The following FOCAD variants were observed in gnomAD, a reference collection of about 807,000 sequenced individuals.
FOCAD encodes focadhesin.
In FOCAD, 198 loss-of-function variants were observed where a neutral mutation model predicts 225.6. The observed-to-expected ratio is 0.88, with a 90% confidence interval of 0.78 to 0.99. The LOEUF (loss-of-function observed/expected upper bound fraction) is 0.99. FOCAD is among the 50% of genes least tolerant of loss of function. The pLI is 0.00. For synonymous variants in FOCAD, 897 were observed against 755.0 expected (o/e 1.19, Z -3.08); for missense variants, 2,713 against 2,123.6 (o/e 1.28, Z -5.46).
At chr9:20,777,566 A>G (rs1180274729) in intron 8 of FOCAD, among the ~76,000 whole-genome samples, 1 of 151,848 alleles carries the variant, frequency 6.6e-6, no homozygotes, top group East Asian at 1.9e-4. Flanking sequence ...TTCTATGGTC[A>G]TTGCTCTGCT....
chr9:20,927,300 T>A (rs1364505918), intron 26 of FOCAD, among the ~76,000 whole-genome samples: 1 of 152,182 alleles, frequency 6.6e-6, no homozygotes, highest in Admixed American at 6.5e-5. Context: ...AATGAAGGAA[T>A]TGAAAAATAT....
At chr9:20,831,705 G>A (rs1825508833) in intron 15 of FOCAD, among the ~76,000 whole-genome samples, 1 of 152,014 alleles carries the variant, frequency 6.6e-6, no homozygotes, top group Non-Finnish European at 1.5e-5. Flanking sequence ...CTGTGATATT[G>A]AGATATAATT....
chr9:20,767,387 G>A lies in FOCAD; in HGVS notation c.699+2314G>A, dbSNP rs1420523882. 7.5e-5 allele frequency among the ~76,000 whole-genome samples: 10 copies of A among 132,880 alleles called. 2 individuals carry two copies. The highest frequency in any genetic ancestry group is 1.7e-4 in the Non-Finnish European group (10 of 58,946). The allele number at this position is 132,880 out of a possible 152,430, so 87.2% of individuals were successfully genotyped here. ...ATGGTATTTCTAGTTCTAGATCCCT[G>A]AGGAATTGCCACACTGACTTCCACA... On this transcript the variant is annotated intron_variant, in intron 7 of 43. Transcript: ENST00000338382.
chr9:20,681,571 T>C (rs552557926), upstream of FOCAD, among the ~76,000 whole-genome samples: 97 of 152,348 alleles, frequency 6.4e-4, no homozygotes, highest in African/African-American at 2.3e-3. Flanking sequence ...ACTTCTGAGA[T>C]CCTTTCTAGT....
At chr9:20,661,830 C>T (rs536443164) in intron 2 of FOCAD, among the ~76,000 whole-genome samples, 1 of 152,026 alleles carries the variant, frequency 6.6e-6, no homozygotes, top group Non-Finnish European at 1.5e-5. Context: ...TAGGCAGGTA[C>T]AAAATGATGT....
intron 5 of FOCAD, among the ~76,000 whole-genome samples, chr9:20,752,916 A>T (rs755788475): frequency 0.017 from 2,558 of 149,440 alleles, 45 homozygotes; most frequent in Non-Finnish European, 0.026. Flanking sequence ...ATTCTCTTTG[A>T]AGCAATTGGG....
At chr9:20,756,410 GAA>G (rs199592087) in intron 5 of FOCAD, among the ~76,000 whole-genome samples, 1 of 150,616 alleles carries the variant, frequency 6.6e-6, no homozygotes, top group Non-Finnish European at 1.5e-5. Flanking sequence ...TTTTAAAAGA[GAA>G]AAAAAAATAG....
rs1840236748 is a variant in FOCAD at position 20,976,413 on chromosome 9, G to GT, written c.4133-5dup. ...GTTTTACTATTATTTTTCACTGTCTGTTATAGGTCCTGAATCTGTGCCTCC... is the reference window on the plus strand; with the variant it reads ...GTTTTACTATTATTTTTCACTGTCTGTTTATAGGTCCTGAATCTGTGCCTCC... On this transcript the variant is annotated splice_polypyrimidine_tract_variant and splice_region_variant and intron_variant, in intron 35 of 43. Coordinates refer to ENST00000338382, the MANE Select transcript of FOCAD (RefSeq NM_001375567.1). 6.2e-7 allele frequency: 1 copy of GT among 1,612,298 alleles called. No individual in the cohort carries two copies. Among genetic ancestry groups the GT allele is most frequent in the African/African-American group, 1.3e-5 (1 of 74,820 alleles).
At position 20,715,312 on chromosome 9, in the gene FOCAD, T is replaced by A; in HGVS notation, c.-32-10T>A. Reference sequence around the variant, plus strand: ...GAAGACTAACAAATATTCTTTTGTTTTGGTTACAGAAGCTGCACACATACA... The same window carrying A: ...GAAGACTAACAAATATTCTTTTGTTATGGTTACAGAAGCTGCACACATACA... On this transcript the variant is annotated splice_polypyrimidine_tract_variant and intron_variant, in intron 1 of 43. Coordinates refer to ENST00000338382, the MANE Select transcript of FOCAD (RefSeq NM_001375567.1). The A allele has an allele frequency of 7.3e-7, 1 of 1,372,090 alleles. No homozygotes were observed. The highest frequency in any genetic ancestry group is 1.5e-5 in the African/African-American group (1 of 68,544). The allele number at this position is 1,372,090 out of a possible 1,614,324, so 85.0% of individuals were successfully genotyped here. A position where few individuals can be genotyped will look rare whatever the true frequency, so the allele number is the denominator to read the frequency against.
rs1231840004 is a variant in FOCAD, at chr9:20,929,779, C to T, written c.3317+183C>T. 2.0e-5 allele frequency among the ~76,000 whole-genome samples: 3 copies of T among 152,066 alleles called. No homozygotes were observed. In the East Asian group the frequency reaches 5.8e-4, roughly 29 times the overall value. On this transcript the variant is annotated intron_variant, in intron 27 of 43. Transcript: ENST00000338382. ...TAAATTTATCTATCTAAAATACCAT[C>T]GTGTAGGTATTAATGTATTTTAAGG...
intron 1 of FOCAD, 104 bp from the exon 2 acceptor site, chr9:20,715,218 A>G (rs2131508340): frequency 2.3e-6 from 1 of 444,192 alleles, no homozygotes; most frequent in Non-Finnish European, 3.9e-6. Flanking sequence ...TTCCATTGTT[A>G]TCTTTGGAAT....
intron 28 of FOCAD, among the ~76,000 whole-genome samples, chr9:20,934,884 AAAT>A (rs1165585494): frequency 6.6e-6 from 1 of 152,224 alleles, no homozygotes. Flanking sequence ...CTGCAAAAAA[AAAT>A]AATAAGATAC....
rs143029422 is a variant in FOCAD, at chr9:20,940,813, A to G, written c.3408-3814A>G. Among the ~76,000 whole-genome samples the G allele has an allele frequency of 2.2e-3, 338 of 152,306 alleles. 3 individuals carry two copies. Among genetic ancestry groups the G allele is most frequent in the African/African-American group, 7.4e-3 (309 of 41,556 alleles). ...AATAAGTGGCAGAGCCAAGAGAGAA[A>G]CCTGGGACATCTGACTTCAAAGCCA... On this transcript the variant is annotated intron_variant, in intron 28 of 43. Transcript: ENST00000338382.
At chr9:20,946,052 C>A (rs1201003374) in intron 29 of FOCAD, among the ~76,000 whole-genome samples, 2 of 151,048 alleles carry the variant, frequency 1.3e-5, no homozygotes, top group Admixed American at 1.3e-4. Context: ...GCTCCATTCC[C>A]ACCATTGTTT....
At chr9:20,903,605 T>C (rs191825469) in intron 21 of FOCAD, among the ~76,000 whole-genome samples, 1 of 151,996 alleles carries the variant, frequency 6.6e-6, no homozygotes. Flanking sequence ...GTTAATTCAC[T>C]AACTTTTTCT....
chr9:20,766,070 T>C (rs1830028020), intron 7 of FOCAD, among the ~76,000 whole-genome samples: 1 of 152,202 alleles, frequency 6.6e-6, no homozygotes, highest in Admixed American at 6.5e-5. Context: ...TAAAGCAATG[T>C]ATAGGCAGAA....
chr9:20,813,819 T>C (rs1034523035), intron 11 of FOCAD, among the ~76,000 whole-genome samples: 1 of 152,198 alleles, frequency 6.6e-6, no homozygotes, highest in Non-Finnish European at 1.5e-5. Flanking sequence ...TTATTTAAAA[T>C]AGGATATTGA....
chr9:20,788,443 G>A (rs1820167647), intron 10 of FOCAD, among the ~76,000 whole-genome samples: 1 of 151,950 alleles, frequency 6.6e-6, no homozygotes, highest in African/African-American at 2.4e-5. Flanking sequence ...ACTTTAAAAG[G>A]GTGCCTTTTA....
rs554801330 is a variant in FOCAD at position 20,946,551 on chromosome 9, A to C, written c.3556-150A>C. The C allele has an allele frequency of 2.0e-5, 14 of 702,626 alleles. No homozygotes were observed. In the South Asian group the frequency reaches 2.7e-4, roughly 14 times the overall value. The allele number at this position is 702,626 out of a possible 1,614,324, so 43.5% of individuals were successfully genotyped here. ...GTTATGAAATATTACAATATAAGTT[A>C]GGCAGAAAAACAGTGCCCAATCCAT... is the stretch of plus-strand genomic sequence containing the variant. On this transcript the variant is annotated intron_variant, in intron 29 of 43. Transcript: ENST00000338382.
Sources: allele counts gnomAD v4.1 joint callset (sites outside exome capture counted in the v4.1 genomes callset), GRCh38; gene constraint gnomAD v4.1.1; transcripts MANE v1.5; gene names NCBI Gene and HGNC (gene_info 2026-07-23, HGNC 2026-07-21).